The following CDK14 variants were observed in gnomAD, a reference collection of about 807,000 sequenced individuals.
The protein encoded by CDK14 is cyclin dependent kinase 14.
Under a neutral mutation model 60.7 loss-of-function variants are expected in CDK14, and 34 were observed. The ratio of observed to expected loss-of-function variants is 0.56; its 90% CI spans 0.43 to 0.75. The LOEUF (loss-of-function observed/expected upper bound fraction) is 0.75, where lower values mean the gene tolerates loss of function less well. Among genes scored for constraint, CDK14 ranks in the 30% least tolerant of loss-of-function variants. The pLI is 0.00. For synonymous variants in CDK14, 197 were observed against 203.7 expected (o/e 0.97, Z 0.28); for missense variants, 482 against 564.1 (o/e 0.85, Z 1.47).
intron 14 of CDK14, among the ~76,000 whole-genome samples, chr7:91,143,745 C>T (rs1388332760): frequency 6.6e-6 from 1 of 152,078 alleles, no homozygotes; most frequent in Non-Finnish European, 1.5e-5. Flanking sequence ...GTGAGAACAT[C>T]TCACTTAATG....
chr7:90,781,297 T>C (rs1410222593), intron 4 of CDK14, among the ~76,000 whole-genome samples: 1 of 152,186 alleles, frequency 6.6e-6, no homozygotes, highest in African/African-American at 2.4e-5. Flanking sequence ...TTTGAGTTCA[T>C]TGTAGATTCT....
chr7:91,088,569 ATG>A lies in CDK14; in HGVS notation c.1154+9112_1154+9113del, dbSNP rs35277214. On this transcript the variant is annotated intron_variant, in intron 12 of 14. Transcript: ENST00000380050. The stretch of plus-strand genomic sequence containing the variant: ...TGGAAGTCTCATAGAGTTTATATAT[ATG>A]TGTGTGTGTGTGTGTGTGTGTGGTT... Among the ~76,000 whole-genome samples the A allele has an allele frequency of 4.0e-3, 593 of 149,456 alleles. 3 individuals are homozygous for A. The highest frequency in any genetic ancestry group is 0.01 in the Middle Eastern group (3 of 292).
At chr7:91,015,999 T>TG (rs1312028878) in intron 10 of CDK14, among the ~76,000 whole-genome samples, 1 of 152,174 alleles carries the variant, frequency 6.6e-6, no homozygotes, top group African/African-American at 2.4e-5. Context: ...AGTATTTTCA[T>TG]GGAGAACATT....
At chr7:91,126,181 G>T (rs6944536) in intron 14 of CDK14, among the ~76,000 whole-genome samples, 18,994 of 152,098 alleles carry the variant, frequency 0.12, 1,684 homozygotes, top group East Asian at 0.45. Context: ...TGTGGGCCAA[G>T]GCCCCACTAA....
chr7:90,894,844 GT>G (rs1455461753), intron 6 of CDK14, among the ~76,000 whole-genome samples: 9 of 152,080 alleles, frequency 5.9e-5, no homozygotes, highest in Non-Finnish European at 1.3e-4. Context: ...ATTAACATAT[GT>G]TTTTATATTG....
chr7:90,599,999 C>T (rs1407157629), intron 1 of CDK14, among the ~76,000 whole-genome samples: 2 of 152,200 alleles, frequency 1.3e-5, no homozygotes, highest in African/African-American at 4.8e-5. Flanking sequence ...CTGCCCACCC[C>T]AAATACAGCT....
At chr7:90,721,972 G>A (rs1191476484) in intron 2 of CDK14, among the ~76,000 whole-genome samples, 1 of 152,090 alleles carries the variant, frequency 6.6e-6, no homozygotes, top group African/African-American at 2.4e-5. Context: ...CTTGTACGCA[G>A]GGGAGTAGCG....
In CDK14 at chr7:90,891,420, T is replaced by C. The variant is rs1036702889; in HGVS notation, c.640-7871T>C. On this transcript the variant is annotated intron_variant, in intron 6 of 14. Transcript: ENST00000380050. ...AATTTCAAAACAAAATATAACAAAT[T>C]TGGTGTTTACACATAAACTATGCCT... Among the ~76,000 whole-genome samples the C allele has an allele frequency of 3.9e-5, 6 of 152,348 alleles. No homozygotes were observed. In the South Asian group the frequency reaches 1.2e-3, roughly 32 times the overall value.
intron 5 of CDK14, among the ~76,000 whole-genome samples, chr7:90,805,783 A>G (rs1041823159): frequency 3.3e-5 from 5 of 152,172 alleles, no homozygotes; most frequent in African/African-American, 1.2e-4. Flanking sequence ...CATCTGAGCT[A>G]CAATTATATT....
At chr7:91,117,979 C>A (rs1799657439) in intron 13 of CDK14, 86 bp from the exon 14 acceptor site, 6 of 712,356 alleles carry the variant, frequency 8.4e-6, no homozygotes, top group Non-Finnish European at 1.4e-5. Context: ...TCCAAACTTG[C>A]ATCTCAGTCT....
chr7:91,193,738 T>TTA (rs1802446787), intron 14 of CDK14, among the ~76,000 whole-genome samples: 1 of 152,070 alleles, frequency 6.6e-6, no homozygotes, highest in South Asian at 2.1e-4. Context: ...TACATATACT[T>TTA]TATACAGTAT....
At chr7:91,137,042 G>A (rs895728367) in intron 14 of CDK14, among the ~76,000 whole-genome samples, 2 of 152,214 alleles carry the variant, frequency 1.3e-5, no homozygotes, top group African/African-American at 2.4e-5. Flanking sequence ...GCTAGTGGGT[G>A]TGGATCACAG....
At chr7:90,817,042 T>C (rs1789381186) in intron 5 of CDK14, among the ~76,000 whole-genome samples, 1 of 152,176 alleles carries the variant, frequency 6.6e-6, no homozygotes, top group African/African-American at 2.4e-5. Flanking sequence ...CTGATCTTGG[T>C]GTGAAGTGCC....
chr7:90,705,700 TGAG>T (rs1801882923), intron 2 of CDK14, among the ~76,000 whole-genome samples: 1 of 150,084 alleles, frequency 6.7e-6, no homozygotes, highest in South Asian at 2.2e-4. Flanking sequence ...GCAAGAAGAC[TGAG>T]GAGAGTGTGG....
In CDK14 at chr7:90,613,179, A is replaced by G. The variant is rs575610824; in HGVS notation, c.123+8930A>G. Among the ~76,000 whole-genome samples, 6 of 152,348 alleles carry G rather than the reference A, an allele frequency of 3.9e-5. No individual in the cohort carries two copies. The South Asian group carries it at 8.3e-4, about 21-fold the overall frequency. ...CTGTAAAGATTCAGAGAGGAAGTAC[A>G]TGTCACAAAGTGCAAGATGTATGAC... is the stretch of plus-strand genomic sequence containing the variant. On this transcript the variant is annotated intron_variant, in intron 2 of 14. Coordinates refer to ENST00000380050, the MANE Select transcript of CDK14 (RefSeq NM_001287135.2).
chr7:91,171,882 A>G (rs1409489065), intron 14 of CDK14, among the ~76,000 whole-genome samples: 8 of 152,034 alleles, frequency 5.3e-5, no homozygotes, highest in Admixed American at 4.6e-4. Flanking sequence ...CCTGACCTCA[A>G]ATGATCCACC....
chr7:91,106,545 AAT>A (rs1799303441), intron 12 of CDK14, among the ~76,000 whole-genome samples: 1 of 152,180 alleles, frequency 6.6e-6, no homozygotes, highest in Non-Finnish European at 1.5e-5. Context: ...AATAATGTCT[AAT>A]ATGTGTCCTT....
chr7:90,899,233 T>A, intron 6 of CDK14, 58 bp from the exon 7 acceptor site: 2 of 1,332,486 alleles, frequency 1.5e-6, no homozygotes, highest in Non-Finnish European at 2.1e-6. Flanking sequence ...TAGGAAAATA[T>A]TGATTTATTA....
chr7:90,673,117 A>G (rs1256760565), intron 2 of CDK14, among the ~76,000 whole-genome samples: 1 of 152,192 alleles, frequency 6.6e-6, no homozygotes, highest in Non-Finnish European at 1.5e-5. Context: ...ATTCTAAGGA[A>G]TTATTAAATT....
Sources: allele counts gnomAD v4.1 joint callset (sites outside exome capture counted in the v4.1 genomes callset), GRCh38; gene constraint gnomAD v4.1.1; transcripts MANE v1.5; gene names NCBI Gene and HGNC (gene_info 2026-07-23, HGNC 2026-07-21).